LRP5: variants seen among roughly 807,000 people sequenced by gnomAD.
The protein encoded by LRP5 is low-density lipoprotein receptor-related protein 5.
A neutral mutation model predicts 154.1 loss-of-function variants in LRP5; 62 were observed. That is an observed-to-expected ratio of 0.40 (90% CI 0.33 to 0.50). LRP5 has a LOEUF of 0.50. Ranked by LOEUF, LRP5 falls within the 20% of genes least tolerant of loss-of-function variation. LRP5 has a pLI of 0.55. For missense variants in LRP5, 1,915 were observed against 2,336.7 expected, an observed-to-expected ratio of 0.82 and a Z score of 3.72; for synonymous variants, 966 against 1,011.5, an observed-to-expected ratio of 0.96 and a Z score of 0.85.
At chr11:68,363,015 G>C (rs1447440562) in intron 3 of LRP5, among the ~76,000 whole-genome samples, 1 of 152,236 alleles carries the variant, frequency 6.6e-6, no homozygotes, top group East Asian at 1.9e-4. Flanking sequence ...TTACACCCGA[G>C]TCCTCATTTG....
chr11:68,392,697 C>A (rs1401221620), intron 7 of LRP5, among the ~76,000 whole-genome samples: 1 of 152,148 alleles, frequency 6.6e-6, no homozygotes, highest in East Asian at 1.9e-4. Flanking sequence ...CACTAATCTA[C>A]TTTCTGTCTC....
At chr11:68,400,290 T>G (rs996344140) in intron 7 of LRP5, among the ~76,000 whole-genome samples, 8 of 152,176 alleles carry the variant, frequency 5.3e-5, no homozygotes, top group Non-Finnish European at 8.8e-5. Context: ...TGTGGGCTCC[T>G]TTTTATTGCT....
chr11:68,412,905 C>T (rs1364104396), intron 11 of LRP5: 1 of 169,728 alleles, frequency 5.9e-6, no homozygotes, highest in African/African-American at 2.4e-5. Context: ...GTGGTTGTGC[C>T]CATTTTACAG....
intron 1 of LRP5, among the ~76,000 whole-genome samples, chr11:68,322,697 T>C (rs1390549569): frequency 1.3e-5 from 2 of 152,268 alleles, no homozygotes; most frequent in Non-Finnish European, 2.9e-5. Flanking sequence ...GGCCAAGGCC[T>C]CATCTGTCCA....
At chr11:68,439,714 G>A in intron 20 of LRP5, 63 bp from the exon 21 acceptor site, 1 of 1,560,080 alleles carries the variant, frequency 6.4e-7, no homozygotes. Flanking sequence ...AGCGCCCTAT[G>A]TCTGTGGGGC....
At chr11:68,410,657 C>T (rs963740204) in intron 10 of LRP5, among the ~76,000 whole-genome samples, 3 of 152,196 alleles carry the variant, frequency 2.0e-5, no homozygotes, top group African/African-American at 7.2e-5. Flanking sequence ...GGACCCACCT[C>T]GAGAGGCAAA....
At chr11:68,402,810 C>T (rs532205379) in intron 7 of LRP5, among the ~76,000 whole-genome samples, 2 of 152,318 alleles carry the variant, frequency 1.3e-5, no homozygotes, top group South Asian at 4.1e-4. Flanking sequence ...TGTCAGCCTG[C>T]AGTGGTTCGG....
chr11:68,363,450 A>T (rs1240479636), intron 3 of LRP5, among the ~76,000 whole-genome samples: 1 of 152,208 alleles, frequency 6.6e-6, no homozygotes, highest in Non-Finnish European at 1.5e-5. Flanking sequence ...TGAGGTCAGG[A>T]GTTCGAGACC....
chr11:68,368,979 A>G lies in LRP5; in HGVS notation c.1015+3277A>G, dbSNP rs1427131957. Among the ~76,000 whole-genome samples the G allele has an allele frequency of 2.0e-5, 3 of 151,614 alleles. No individual in the cohort carries two copies. In the East Asian group the frequency reaches 5.8e-4, roughly 29 times the overall value. The stretch of plus-strand genomic sequence containing the variant: ...CAGCCTCCCAAGCAGCTGGGATTAC[A>G]GGCGCCCGCTACTATGTCTGGCTAA... On this transcript the variant is annotated intron_variant, in intron 5 of 22. Transcript: ENST00000294304.
At chr11:68,342,070 C>CTTTT (rs111847163) in intron 1 of LRP5, among the ~76,000 whole-genome samples, 1 of 133,874 alleles carries the variant, frequency 7.5e-6, no homozygotes, top group African/African-American at 2.7e-5. Flanking sequence ...GTCCTCTTTG[C>CTTTT]TTTTTTTTTT....
intron 9 of LRP5, among the ~76,000 whole-genome samples, chr11:68,408,387 T>A (rs2153165442): frequency 6.6e-6 from 1 of 151,942 alleles, no homozygotes; most frequent in African/African-American, 2.4e-5. Context: ...CAGCCTATTC[T>A]ACTGTTTGTA....
intron 13 of LRP5, among the ~76,000 whole-genome samples, chr11:68,422,801 C>T (rs2098666563): frequency 6.7e-6 from 1 of 149,254 alleles, no homozygotes; most frequent in African/African-American, 2.5e-5. Context: ...GATCCCTTTA[C>T]CCGCACCTTC....
In LRP5 at chr11:68,448,734, C is replaced by T. The variant is rs1313309645; in HGVS notation, c.4587-75C>T. The T allele has an allele frequency of 1.9e-6, 3 of 1,582,864 alleles. No individual in the cohort carries two copies. In the African/African-American group the frequency reaches 4.0e-5, roughly 21 times the overall value. ...CCAGTGGACAGGCCTTTCCCGTTCA[C>T]AGCCCCGGGGCTGCTGTGCCCACCA... is the stretch of plus-strand genomic sequence containing the variant. On this transcript the variant is annotated intron_variant, in intron 22 of 22. Coordinates refer to ENST00000294304, the MANE Select transcript of LRP5 (RefSeq NM_002335.4).
At chr11:68,392,771 GTGGCTTCT>G (rs2098647065) in intron 7 of LRP5, among the ~76,000 whole-genome samples, 1 of 152,136 alleles carries the variant, frequency 6.6e-6, no homozygotes, top group African/African-American at 2.4e-5. Flanking sequence ...GTCCCTGCGT[GTGGCTTCT>G]TTCCATAGCA....
intron 1 of LRP5, among the ~76,000 whole-genome samples, chr11:68,323,801 G>C (rs2098598108): frequency 6.6e-6 from 1 of 152,236 alleles, no homozygotes; most frequent in Non-Finnish European, 1.5e-5. Flanking sequence ...TGAACACGAA[G>C]AGAGTGTCAC....
chr11:68,400,560 AAAATAAAT>A (rs34152966), intron 7 of LRP5, among the ~76,000 whole-genome samples: 6 of 147,898 alleles, frequency 4.1e-5, no homozygotes, highest in Non-Finnish European at 6.0e-5. Flanking sequence ...GTCTCTACTA[AAAATAAAT>A]AAATAAATAA....
intron 21 of LRP5, 73 bp downstream of exon 21, chr11:68,439,989 C>A: frequency 7.2e-7 from 1 of 1,387,880 alleles, no homozygotes; most frequent in Non-Finnish European, 9.5e-7. Context: ...TGCTGGCCAC[C>A]GGAGGCTTCC....
chr11:68,376,222 C>T (rs575371848), intron 5 of LRP5, among the ~76,000 whole-genome samples: 3 of 147,976 alleles, frequency 2.0e-5, no homozygotes, highest in East Asian at 2.0e-4. Flanking sequence ...CTCTCTGTCA[C>T]CTAGGCTGGA....
intron 5 of LRP5, among the ~76,000 whole-genome samples, chr11:68,385,357 G>T (rs1425715354): frequency 6.6e-6 from 1 of 152,192 alleles, no homozygotes; most frequent in Non-Finnish European, 1.5e-5. Context: ...GCTGTGGGGT[G>T]GGTGCTTCGT....
Sources: allele counts gnomAD v4.1 joint callset (sites outside exome capture counted in the v4.1 genomes callset), GRCh38; gene constraint gnomAD v4.1.1; transcripts MANE v1.5; gene names NCBI Gene and HGNC (gene_info 2026-07-23, HGNC 2026-07-21).